Variants in EFCAB13 observed in about 807,000 individuals in gnomAD.
EFCAB13 encodes EF-hand calcium-binding domain-containing protein 13.
In EFCAB13, 91 loss-of-function variants were observed where a neutral mutation model predicts 110.2. That is an observed-to-expected ratio of 0.83 (90% CI 0.70 to 0.98). The LOEUF (loss-of-function observed/expected upper bound fraction) is 0.98. EFCAB13 is among the 50% of genes least tolerant of loss of function. EFCAB13 has a pLI of 0.00. For synonymous variants in EFCAB13, 323 were observed against 369.9 expected, an observed-to-expected ratio of 0.87 and a Z score of 1.45; for missense variants, 968 against 1,119.4, an observed-to-expected ratio of 0.86 and a Z score of 1.93.
At chr17:47,326,976 A>G (rs1480380034) in intron 3 of EFCAB13, among the ~76,000 whole-genome samples, 1 of 152,260 alleles carries the variant, frequency 6.6e-6, no homozygotes, top group South Asian at 2.1e-4. Context: ...ACTGATGATT[A>G]TAACTAGCAA....
intron 5 of EFCAB13, among the ~76,000 whole-genome samples, chr17:47,338,316 C>T (rs1453247480): frequency 2.7e-5 from 4 of 149,218 alleles, no homozygotes; most frequent in Admixed American, 6.7e-5. Flanking sequence ...GTGGCATGAT[C>T]GTAGCTCATC....
At chr17:47,327,181 G>GT (rs199715175) in intron 3 of EFCAB13, among the ~76,000 whole-genome samples, 27 of 150,568 alleles carry the variant, frequency 1.8e-4, no homozygotes, top group African/African-American at 4.4e-4. Flanking sequence ...CTTTTGTTTT[G>GT]TTTTTTTTGA....
rs1003591069 is a variant in EFCAB13, at chr17:47,431,287, G to GT, written c.2638+1335dup. On this transcript the variant is annotated intron_variant, in intron 24 of 24. Coordinates refer to ENST00000331493, the MANE Select transcript of EFCAB13 (RefSeq NM_152347.5). This position sits in a 1 kb window ranked among gnomAD's most constrained non-coding sequence, Gnocchi z 4.1. ...ATATCCTAACATCTATTTTTTCTTT[G>GT]TTTTTTTTTAACTCTTTTTTTTCCT... Among the ~76,000 whole-genome samples the GT allele has an allele frequency of 1.0e-4, 15 of 146,086 alleles. No individual in the cohort carries two copies. Among genetic ancestry groups the GT allele is most frequent in the South Asian group, 6.5e-4 (3 of 4,590 alleles).
At chr17:47,439,185 T>G (rs1814855005) in intron 24 of EFCAB13, among the ~76,000 whole-genome samples, 1 of 140,016 alleles carries the variant, frequency 7.1e-6, no homozygotes, top group African/African-American at 2.6e-5. Context: ...TTTTTTTTTT[T>G]TTTTTTTTTT....
At chr17:47,353,275 ATATTTATT>A (rs964734963) in intron 9 of EFCAB13, among the ~76,000 whole-genome samples, 15 of 151,290 alleles carry the variant, frequency 9.9e-5, no homozygotes, top group Admixed American at 6.6e-5. Flanking sequence ...ATCAGATTGT[ATATTTATT>A]TATTTATTTA....
rs117421268 is a variant in EFCAB13 at position 47,412,909 on chromosome 17, C to T, written c.2415C>T (p.Asn805=). The T allele has an allele frequency of 3.3e-3, 5,311 of 1,606,122 alleles. 22 individuals are homozygous for T. Among genetic ancestry groups the T allele is most frequent in the East Asian group, 8.4e-3 (378 of 44,792 alleles). The change falls in exon 22 of 25, where the codon AAC becomes AAT. Residue 805 remains asparagine, a synonymous_variant. Coordinates refer to ENST00000331493, the MANE Select transcript of EFCAB13 (RefSeq NM_152347.5). ...TCAATGAAGCCCTTAACTGTTGTAA[C>T]GTCAGTGGTGAGCATTTTTTTGGCC... ...EDFNEALNCC[N]VSDNMEVDLK... is the part of the protein sequence containing the mutation.
chr17:47,365,882 T>C (rs2065542782), intron 10 of EFCAB13, among the ~76,000 whole-genome samples: 1 of 152,112 alleles, frequency 6.6e-6, no homozygotes, highest in Non-Finnish European at 1.5e-5. Context: ...CAAATTTTGG[T>C]CAAGGTATTG....
intron 21 of EFCAB13, among the ~76,000 whole-genome samples, chr17:47,411,889 C>T (rs1031312692): frequency 1.3e-5 from 2 of 152,078 alleles, no homozygotes; most frequent in East Asian, 1.9e-4. Flanking sequence ...CTCAGGAGTT[C>T]GAGACCAGTC....
At position 47,361,540 on chromosome 17, in the gene EFCAB13, G is replaced by C; in HGVS notation, c.805+19G>C. On this transcript the variant is annotated intron_variant, in intron 10 of 24. Transcript: ENST00000331493. Reference sequence around the variant, plus strand: ...ATTGACAGTGAGTTATTTGCATTGAGATATATATGTCCATATATATGTGCA... The same window carrying C: ...ATTGACAGTGAGTTATTTGCATTGACATATATATGTCCATATATATGTGCA... 1.9e-6 allele frequency: 3 copies of C among 1,586,410 alleles called. No homozygotes were observed. The highest frequency in any genetic ancestry group is 2.6e-6 in the Non-Finnish European group (3 of 1,156,268).
intron 20 of EFCAB13, among the ~76,000 whole-genome samples, chr17:47,409,170 A>G (rs1269330703): frequency 1.3e-5 from 2 of 152,164 alleles, no homozygotes; most frequent in Admixed American, 1.3e-4. Context: ...ACCAACTTGC[A>G]TCTCTGTAGG....
chr17:47,333,478 G>C (rs555660832), intron 4 of EFCAB13, among the ~76,000 whole-genome samples: 1 of 152,068 alleles, frequency 6.6e-6, no homozygotes, highest in African/African-American at 2.4e-5. Flanking sequence ...TTTGTTGCCT[G>C]TGCTTATAGA....
chr17:47,356,551 G>T (rs2065481709), intron 9 of EFCAB13, among the ~76,000 whole-genome samples: 1 of 152,194 alleles, frequency 6.6e-6, no homozygotes, highest in African/African-American at 2.4e-5. Flanking sequence ...GAGAGTGTCT[G>T]CAAAGAGTCC....
intron 23 of EFCAB13, among the ~76,000 whole-genome samples, chr17:47,417,876 T>C (rs1904504950): frequency 6.6e-6 from 1 of 152,208 alleles, no homozygotes; most frequent in Non-Finnish European, 1.5e-5. Flanking sequence ...GTGTTGACAA[T>C]TCTTTCCATA....
chr17:47,428,951 TA>T (rs1905049068), intron 23 of EFCAB13, among the ~76,000 whole-genome samples: 1 of 152,070 alleles, frequency 6.6e-6, no homozygotes, highest in Admixed American at 6.6e-5. Flanking sequence ...ATATTTCAGA[TA>T]AAAAAATTTT....
chr17:47,337,975 A>T (rs1440302298), intron 5 of EFCAB13, among the ~76,000 whole-genome samples: 1 of 152,152 alleles, frequency 6.6e-6, no homozygotes, highest in Non-Finnish European at 1.5e-5. Context: ...TGAGACAGTG[A>T]CTCCTATCTC....
At chr17:47,418,271 C>T (rs1412951865) in intron 23 of EFCAB13, among the ~76,000 whole-genome samples, 1 of 152,166 alleles carries the variant, frequency 6.6e-6, no homozygotes, top group Non-Finnish European at 1.5e-5. Flanking sequence ...CTTCTTAAAT[C>T]CTGGTGCTTG....
chr17:47,388,722 A>G (rs1192146210), intron 14 of EFCAB13, among the ~76,000 whole-genome samples: 4 of 152,178 alleles, frequency 2.6e-5, no homozygotes, highest in Non-Finnish European at 5.9e-5. Flanking sequence ...TAACATTTGT[A>G]TACATGTCTT....
At chr17:47,362,719 A>AGG (rs1182282830) in intron 10 of EFCAB13, among the ~76,000 whole-genome samples, 4 of 152,180 alleles carry the variant, frequency 2.6e-5, no homozygotes, top group African/African-American at 7.2e-5. Context: ...AATTAGTGAA[A>AGG]GTACTAAAAG....
At position 47,420,130 on chromosome 17, in the gene EFCAB13, G is replaced by C. The variant is rs1386085724; in HGVS notation, c.2494+5211G>C. Among the ~76,000 whole-genome samples the C allele has an allele frequency of 2.6e-5, 4 of 152,210 alleles. No homozygotes were observed. The South Asian group carries it at 6.2e-4, about 24-fold the overall frequency. On this transcript the variant is annotated intron_variant, in intron 23 of 24. Coordinates refer to ENST00000331493, the MANE Select transcript of EFCAB13 (RefSeq NM_152347.5). ...ACCTGACTGGTTTTCGTATTTTTTT[G>C]GTGGAGACGGGGTTTCGCTGTGTTG...
Sources: allele counts gnomAD v4.1 joint callset (sites outside exome capture counted in the v4.1 genomes callset), GRCh38; gene constraint gnomAD v4.1.1; non-coding constraint Gnocchi (gnomAD v3.1); transcripts MANE v1.5; gene names NCBI Gene and HGNC (gene_info 2026-07-23, HGNC 2026-07-21).